The following SLC4A4 variants were observed in gnomAD, a reference collection of about 807,000 sequenced individuals.
SLC4A4 encodes the protein solute carrier family 4 member 4.
SLC4A4 carries 27 observed loss-of-function variants against 111.5 expected under a neutral mutation model. The observed-to-expected ratio is 0.24, with a 90% CI of 0.18 to 0.33. The LOEUF (loss-of-function observed/expected upper bound fraction) is 0.33, where lower values mean the gene tolerates loss of function less well. Among genes scored for constraint, SLC4A4 ranks in the 10% least tolerant of loss-of-function variants. The pLI is 1.00. For missense variants in SLC4A4, 909 were observed against 1,315.5 expected (o/e 0.69, Z 4.78); for synonymous variants, 443 against 463.4 (o/e 0.96, Z 0.57).
At chr4:71,233,389 TTCTC>T in intron 1 of SLC4A4, 5 of 768,134 alleles carry the variant, frequency 6.5e-6, no homozygotes, top group Non-Finnish European at 7.9e-6. Flanking sequence ...CTTTCCATCT[TTCTC>T]AGCCACTCGG....
At chr4:71,215,735 G>A (rs561569687) in intron 1 of SLC4A4, among the ~76,000 whole-genome samples, 11 of 152,260 alleles carry the variant, frequency 7.2e-5, no homozygotes, top group Admixed American at 2.6e-4. Flanking sequence ...GTGTGCTGCC[G>A]TGATGATCAC....
chr4:71,565,401 A>G (rs985560113), intron 24 of SLC4A4, among the ~76,000 whole-genome samples: 6 of 151,612 alleles, frequency 4.0e-5, no homozygotes, highest in Non-Finnish European at 7.4e-5. Context: ...ACTCCTACCT[A>G]TTGGGGATCC....
intron 16 of SLC4A4, among the ~76,000 whole-genome samples, chr4:71,514,930 A>G (rs1732244462): frequency 6.6e-6 from 1 of 151,898 alleles, no homozygotes; most frequent in Non-Finnish European, 1.5e-5. Context: ...TATTTTTTGA[A>G]GAACCAACTT....
At chr4:71,190,980 C>A (rs866891894) in intron 1 of SLC4A4, among the ~76,000 whole-genome samples, 1 of 152,190 alleles carries the variant, frequency 6.6e-6, no homozygotes, top group Non-Finnish European at 1.5e-5. Flanking sequence ...ATCTATACTT[C>A]GAGTACTGGT....
intron 2 of SLC4A4, among the ~76,000 whole-genome samples, chr4:71,174,688 T>G (rs1252719051): frequency 6.6e-6 from 1 of 152,244 alleles, no homozygotes; most frequent in African/African-American, 2.4e-5. Context: ...TTCTCTATTT[T>G]ATGATGATTT....
Position 71,563,893 on chromosome 4 carries a change from A to G in SLC4A4, c.3196+4A>G. The G allele has an allele frequency of 6.4e-7, 1 of 1,568,620 alleles. No homozygotes were observed. The highest frequency in any genetic ancestry group is 8.8e-7 in the Non-Finnish European group (1 of 1,139,274). On this transcript the variant is annotated splice_donor_region_variant and intron_variant, in intron 24 of 25. Transcript: ENST00000264485. ...AGCGATAGCAAACCTTCTGACAGTG[A>G]GTAGAACTAACCTCTTGCATGCTTG...
chr4:71,482,197 G>A (rs1728945730), intron 14 of SLC4A4, among the ~76,000 whole-genome samples: 2 of 151,418 alleles, frequency 1.3e-5, no homozygotes, highest in African/African-American at 4.8e-5. Context: ...TCTTGTTTAT[G>A]GACTCTAACA....
At chr4:71,489,331 A>G (rs1329893146) in intron 15 of SLC4A4, among the ~76,000 whole-genome samples, 1 of 151,748 alleles carries the variant, frequency 6.6e-6, no homozygotes. Context: ...ATAGTGTTTT[A>G]TGTAGAGGAA....
chr4:71,541,551 C>T (rs544173982), intron 18 of SLC4A4, among the ~76,000 whole-genome samples: 150 of 152,252 alleles, frequency 9.9e-4, no homozygotes, highest in South Asian at 3.7e-3. Flanking sequence ...CTGAGGGCCT[C>T]CTCAGAGTTT....
At chr4:71,066,920 G>A (rs1741530582) in intron 1 of SLC4A4, among the ~76,000 whole-genome samples, 1 of 152,160 alleles carries the variant, frequency 6.6e-6, no homozygotes, top group African/African-American at 2.4e-5. Context: ...TTGCCCTAGA[G>A]TTCATTGACT....
At chr4:71,145,783 C>A (rs1229115016) in intron 2 of SLC4A4, among the ~76,000 whole-genome samples, 1 of 152,068 alleles carries the variant, frequency 6.6e-6, no homozygotes, top group South Asian at 2.1e-4. Flanking sequence ...TCTGTGGGAT[C>A]GGTGGTGATA....
intron 12 of SLC4A4, among the ~76,000 whole-genome samples, chr4:71,460,175 G>A (rs1338546119): frequency 3.3e-5 from 5 of 151,782 alleles, no homozygotes; most frequent in Non-Finnish European, 7.4e-5. Flanking sequence ...AGCCAAAATC[G>A]TCAATTTTTT....
intron 7 of SLC4A4, among the ~76,000 whole-genome samples, chr4:71,431,972 G>A (rs935184082): frequency 6.6e-6 from 1 of 152,114 alleles, no homozygotes; most frequent in Non-Finnish European, 1.5e-5. Context: ...GATATGCAAA[G>A]CAAATGTTTG....
At chr4:71,505,865 G>A (rs1237531852) in intron 16 of SLC4A4, among the ~76,000 whole-genome samples, 1 of 152,024 alleles carries the variant, frequency 6.6e-6, no homozygotes, top group Non-Finnish European at 1.5e-5. Flanking sequence ...GTTAATTTTT[G>A]TATATGGTAT....
intron 1 of SLC4A4, among the ~76,000 whole-genome samples, chr4:71,189,419 A>G (rs891110519): frequency 2.6e-5 from 4 of 152,236 alleles, no homozygotes; most frequent in African/African-American, 9.6e-5. Flanking sequence ...TGGATTTACA[A>G]AAATGTTGTG....
chr4:71,550,022 A>C (rs1259091795), intron 20 of SLC4A4, among the ~76,000 whole-genome samples: 1 of 151,874 alleles, frequency 6.6e-6, no homozygotes, highest in African/African-American at 2.4e-5. Context: ...ACCTGGGCTC[A>C]TCCTCATTCA....
chr4:71,164,973 T>C (rs1031563121), intron 2 of SLC4A4, among the ~76,000 whole-genome samples: 1 of 152,144 alleles, frequency 6.6e-6, no homozygotes, highest in Non-Finnish European at 1.5e-5. Context: ...CACTGGTCAT[T>C]AGAGAAATGC....
At position 71,462,246 on chromosome 4, in the gene SLC4A4, G is replaced by A. The variant is rs1456978918; in HGVS notation, c.1498-4198G>A. On this transcript the variant is annotated intron_variant, in intron 12 of 25. Transcript: ENST00000264485. ...TTCATTTTATCCAAATAATTATCCC[G>A]TGAAGTAGCTATTGATTTTACAGAA... Among the ~76,000 whole-genome samples the A allele has an allele frequency of 3.3e-5, 5 of 151,910 alleles. 1 individual carries two copies. The highest frequency in any genetic ancestry group is 2.6e-4 in the Admixed American group (4 of 15,244).
chr4:71,251,612 C>A (rs1051737633), intron 2 of SLC4A4, among the ~76,000 whole-genome samples: 1 of 152,124 alleles, frequency 6.6e-6, no homozygotes, highest in African/African-American at 2.4e-5. Flanking sequence ...GAAGCCACTG[C>A]CAAATCAAGG....
Sources: allele counts gnomAD v4.1 joint callset (sites outside exome capture counted in the v4.1 genomes callset), GRCh38; gene constraint gnomAD v4.1.1; transcripts MANE v1.5; gene names NCBI Gene and HGNC (gene_info 2026-07-23, HGNC 2026-07-21).